The following TENM2 variants were observed in gnomAD, a reference collection of about 807,000 sequenced individuals.
TENM2 encodes teneurin transmembrane protein 2, also known as teneurin-2.
Under a neutral mutation model 245.2 loss-of-function variants are expected in TENM2, and 52 were observed. The ratio of observed to expected loss-of-function variants is 0.21; its 90% CI spans 0.17 to 0.27. The LOEUF is 0.27. Among genes scored for constraint, TENM2 ranks in the 10% least tolerant of loss-of-function variants. TENM2 has a pLI of 1.00. For missense variants in TENM2, 3,046 were observed against 3,666.8 expected (o/e 0.83, Z 4.37); for synonymous variants, 1,363 against 1,438.9 (o/e 0.95, Z 1.19).
chr5:167,578,349 T>C (rs964115728), intron 2 of TENM2, among the ~76,000 whole-genome samples: 1 of 152,214 alleles, frequency 6.6e-6, no homozygotes, highest in East Asian at 1.9e-4. Context: ...GAATAATCTG[T>C]TGCATTAGCC....
At chr5:167,766,623 TCC>T (rs1763038994) in intron 2 of TENM2, among the ~76,000 whole-genome samples, 1 of 152,144 alleles carries the variant, frequency 6.6e-6, no homozygotes, top group South Asian at 2.1e-4. Context: ...ATGCCTGTAA[TCC>T]CAGCACTTTG....
chr5:168,083,091 G>A (rs1296986475), intron 7 of TENM2, among the ~76,000 whole-genome samples: 1 of 152,206 alleles, frequency 6.6e-6, no homozygotes. Context: ...GAGCTGCAGT[G>A]GGCTCCACCC....
chr5:167,982,988 C>T (rs527999642), intron 4 of TENM2, among the ~76,000 whole-genome samples: 9 of 152,186 alleles, frequency 5.9e-5, no homozygotes, highest in Admixed American at 3.3e-4. Flanking sequence ...CTCTACCTGC[C>T]GGTGAACACA....
At chr5:168,004,721 G>A (rs1784691956) in intron 5 of TENM2, among the ~76,000 whole-genome samples, 1 of 152,132 alleles carries the variant, frequency 6.6e-6, no homozygotes, top group South Asian at 2.1e-4. Context: ...GTTTGCATTT[G>A]CACAGATATG....
At chr5:168,170,615 G>A (rs185670828) in intron 13 of TENM2, among the ~76,000 whole-genome samples, 20 of 152,232 alleles carry the variant, frequency 1.3e-4, no homozygotes, top group African/African-American at 4.8e-4. Flanking sequence ...ATAATAATCA[G>A]TAAGATTTTT....
At chr5:167,544,389 C>T (rs1490172182) in intron 2 of TENM2, among the ~76,000 whole-genome samples, 2 of 152,056 alleles carry the variant, frequency 1.3e-5, no homozygotes, top group Non-Finnish European at 2.9e-5. Context: ...TCACGCGGTG[C>T]CATTTAGCAT....
At chr5:167,674,527 G>A (rs1253872351) in intron 2 of TENM2, among the ~76,000 whole-genome samples, 1 of 152,074 alleles carries the variant, frequency 6.6e-6, no homozygotes, top group Admixed American at 6.6e-5. Flanking sequence ...CAGAATTGCA[G>A]TAAAGGAAAA....
chr5:168,198,853 G>A (rs375674029), exon 16 of TENM2: 1 of 1,613,600 alleles, frequency 6.2e-7, no homozygotes, highest in Non-Finnish European at 8.5e-7. Flanking sequence ...CCCTCTCCAG[G>A]TTCGACCTGA....
intron 2 of TENM2, among the ~76,000 whole-genome samples, chr5:167,706,082 G>A (rs1003935868): frequency 3.5e-5 from 5 of 143,980 alleles, no homozygotes; most frequent in Non-Finnish European, 6.0e-5. Flanking sequence ...TATACAGTGT[G>A]TGTATATATA....
At chr5:167,530,378 C>A (rs1189087661) in intron 2 of TENM2, among the ~76,000 whole-genome samples, 4 of 152,178 alleles carry the variant, frequency 2.6e-5, no homozygotes, top group African/African-American at 9.6e-5. Flanking sequence ...TATGTTTGTG[C>A]AAACTGCAGG....
At chr5:167,447,218 A>G (rs1765282647) in intron 2 of TENM2, among the ~76,000 whole-genome samples, 1 of 152,242 alleles carries the variant, frequency 6.6e-6, no homozygotes, top group Non-Finnish European at 1.5e-5. Context: ...AAATACAGAT[A>G]GCAAATCCCA....
chr5:167,095,359 G>A, the TENM2 span, among the ~76,000 whole-genome samples: 6 of 152,148 alleles, frequency 3.9e-5, no homozygotes, highest in Non-Finnish European at 5.9e-5. Context: ...CTGACATGGG[G>A]CAGGGCTGGC....
chr5:168,114,790 G>A (rs752730315), intron 9 of TENM2, among the ~76,000 whole-genome samples: 22 of 152,286 alleles, frequency 1.4e-4, no homozygotes, highest in Non-Finnish European at 2.6e-4. Context: ...GTGAGCACGC[G>A]GCAAACCCTG....
At chr5:167,862,090 T>C (rs186535049) in intron 2 of TENM2, among the ~76,000 whole-genome samples, 18 of 152,338 alleles carry the variant, frequency 1.2e-4, no homozygotes, top group Admixed American at 4.6e-4. Context: ...GTATTTTCAT[T>C]AGATGGGCTT....
At chr5:167,684,126 G>A (rs1382730475) in intron 2 of TENM2, among the ~76,000 whole-genome samples, 3 of 152,146 alleles carry the variant, frequency 2.0e-5, no homozygotes, top group African/African-American at 7.2e-5. Context: ...TTATTTTGAC[G>A]AGGAAAAACA....
chr5:167,508,026 T>C (rs902874831), intron 2 of TENM2, among the ~76,000 whole-genome samples: 1 of 152,082 alleles, frequency 6.6e-6, no homozygotes, highest in African/African-American at 2.4e-5. Flanking sequence ...GATAAAGATA[T>C]ACAACTCAAG....
chr5:167,859,392 C>T (rs1362487990), intron 2 of TENM2, among the ~76,000 whole-genome samples: 2 of 146,956 alleles, frequency 1.4e-5, no homozygotes, highest in Non-Finnish European at 1.5e-5. Context: ...GGGGGTCAGC[C>T]CCCCGCCCGG....
chr5:167,280,265 T>C (rs1770968097), upstream of TENM2, among the ~76,000 whole-genome samples: 2 of 152,178 alleles, frequency 1.3e-5, no homozygotes. Flanking sequence ...CTACATGGCA[T>C]CTGCTTACAC....
At chr5:168,084,343 C>T (rs1366411217) in intron 7 of TENM2, among the ~76,000 whole-genome samples, 1 of 152,188 alleles carries the variant, frequency 6.6e-6, no homozygotes, top group Non-Finnish European at 1.5e-5. Context: ...AACTGTTTTC[C>T]ACAGTGGCTG....
Sources: allele counts gnomAD v4.1 joint callset (sites outside exome capture counted in the v4.1 genomes callset), GRCh38; gene constraint gnomAD v4.1.1; transcripts MANE v1.5; gene names NCBI Gene and HGNC (gene_info 2026-07-23, HGNC 2026-07-21).